Variants in EMG1 observed in about 807,000 individuals in gnomAD.
EMG1 encodes EMG1 N1-specific pseudouridine methyltransferase.
In EMG1, 24 loss-of-function variants were observed where a neutral mutation model predicts 26.9. That is an observed-to-expected ratio of 0.89 (90% CI 0.65 to 1.26). EMG1 has a LOEUF of 1.26. Among genes scored for constraint, EMG1 ranks in the 50% most tolerant of loss-of-function variants. The pLI is 0.00. For synonymous variants in EMG1, 140 were observed against 112.6 expected (o/e 1.24, Z -1.54); for missense variants, 299 against 307.6 (o/e 0.97, Z 0.21).
chr12:6,976,061 A>G lies in EMG1; in HGVS notation c.*252A>G. On this transcript the variant is annotated 3_prime_UTR_variant, in exon 6 of 6. Coordinates refer to ENST00000599672, the MANE Select transcript of EMG1 (RefSeq NM_006331.8). ...ACTTCAGGGACAGATAGGAGGTTAC[A>G]GAGTTTGCAGTTTGGTTCCATGCTT... 1 of 384,126 alleles carries G rather than the reference A, an allele frequency of 2.6e-6. No homozygotes were observed. Among genetic ancestry groups the G allele is most frequent in the Non-Finnish European group, 4.7e-6 (1 of 211,444 alleles). 23.8% of individuals were successfully genotyped at this position (384,126 alleles called of 1,614,324 possible).
Position 6,977,731 on chromosome 12 carries a change from C to G in EMG1, c.*1922C>G. ...TTCTTTATTTCCAAGGAACTTGAGT[C>G]GTTTGAAGATGTAGCTGGAGAAAAG... On this transcript the variant is annotated 3_prime_UTR_variant, in exon 6 of 6. Coordinates refer to ENST00000599672, the MANE Select transcript of EMG1 (RefSeq NM_006331.8). The surrounding 1 kb of genome is among the most constrained non-coding windows in gnomAD (Gnocchi z 4.5). 1 of 1,613,990 alleles carries G rather than the reference C, an allele frequency of 6.2e-7. No individual in the cohort carries two copies. The highest frequency in any genetic ancestry group is 8.5e-7 in the Non-Finnish European group (1 of 1,180,020).
downstream of EMG1, chr12:6,983,363 A>C (rs1555154388): frequency 9.7e-7 from 1 of 1,030,862 alleles, no homozygotes; most frequent in Non-Finnish European, 1.5e-6. Context: ...TCTCAAGGAA[A>C]TTTTGTTCAA....
downstream of EMG1, chr12:6,981,738 G>GGT: frequency 7.5e-7 from 1 of 1,337,714 alleles, no homozygotes; most frequent in Non-Finnish European, 1.1e-6. Flanking sequence ...CGGAGGGGGG[G>GGT]TGCCGAGGAA....
chr12:6,975,663 CAG>C, intron 5 of EMG1, 31 bp from the exon 6 acceptor site: 1 of 1,411,774 alleles, frequency 7.1e-7, no homozygotes, highest in Non-Finnish European at 1.0e-6. Context: ...TACTGAGTGA[CAG>C]AGTTGGCTGA....
rs1946428016 is a variant in EMG1 at position 6,977,992 on chromosome 12, A to C, written c.*2183A>C. 1.8e-6 allele frequency: 1 copy of C among 569,612 alleles called. No homozygotes were observed. The highest frequency in any genetic ancestry group is 1.9e-5 in the African/African-American group (1 of 53,278). The allele number at this position is 569,612 out of a possible 1,614,324, so 35.3% of individuals were successfully genotyped here. On this transcript the variant is annotated 3_prime_UTR_variant, in exon 6 of 6. Transcript: ENST00000599672. This position sits in a 1 kb window ranked among gnomAD's most constrained non-coding sequence, Gnocchi z 4.5. Reference sequence around the variant, plus strand: ...GCAGCAGTGACTGAGGCTGATGCTGAGATCAGTGGTGAACCAGACACTCTA... The same window carrying C: ...GCAGCAGTGACTGAGGCTGATGCTGCGATCAGTGGTGAACCAGACACTCTA...
intron 1 of EMG1, 30 bp downstream of exon 1, chr12:6,971,121 TA>T: frequency 6.3e-7 from 1 of 1,588,474 alleles, no homozygotes; most frequent in Non-Finnish European, 8.6e-7. Flanking sequence ...GGAGAAGTAG[TA>T]AATCGATAGG....
chr12:6,990,230 C>T (rs147621854), downstream of EMG1, among the ~76,000 whole-genome samples: 3,383 of 150,244 alleles, frequency 0.023, 114 homozygotes, highest in African/African-American at 0.073. Context: ...AAAATATAAG[C>T]GGGGCACGGT....
At chr12:6,989,313 GTT>G (rs113013257), downstream of EMG1, among the ~76,000 whole-genome samples, 307 of 126,386 alleles carry the variant, frequency 2.4e-3, no homozygotes, top group South Asian at 0.033. Context: ...CAAAATGCGT[GTT>G]TTTTTTTTTT....
intron 2 of EMG1, 25 bp downstream of exon 2, chr12:6,974,465 AC>A (rs782677923): frequency 8.7e-6 from 14 of 1,607,984 alleles, no homozygotes; most frequent in Admixed American, 1.7e-5. Flanking sequence ...AGTGCTCACA[AC>A]CCTTTGAGCC....
At chr12:6,989,594 G>T (rs1438039462), downstream of EMG1, among the ~76,000 whole-genome samples, 1 of 152,006 alleles carries the variant, frequency 6.6e-6, no homozygotes, top group Admixed American at 6.6e-5. Context: ...CACCGTGCCC[G>T]GCCAATGCTG....
chr12:6,992,922 T>C (rs924325323), downstream of EMG1, among the ~76,000 whole-genome samples: 5 of 152,226 alleles, frequency 3.3e-5, no homozygotes, highest in African/African-American at 1.2e-4. Context: ...TTACTCATAA[T>C]ACCTAATATA....
In EMG1 at chr12:6,979,677, G is replaced by T; in HGVS notation, c.*3868G>T. ...ATGGAGAGGAGTGTTTAGGGGTGTG[G>T]TTGTCTACCTGGAATGGGATGAGAA... is the stretch of plus-strand genomic sequence containing the variant. On this transcript the variant is annotated 3_prime_UTR_variant, in exon 6 of 6. Coordinates refer to ENST00000599672, the MANE Select transcript of EMG1 (RefSeq NM_006331.8). 1.2e-6 allele frequency: 1 copy of T among 804,628 alleles called. No individual in the cohort carries two copies. Among genetic ancestry groups the T allele is most frequent in the Non-Finnish European group, 2.1e-6 (1 of 473,964 alleles). The allele number at this position is 804,628 out of a possible 1,614,324, so 49.8% of individuals were successfully genotyped here. A position where few individuals can be genotyped will look rare whatever the true frequency, so the allele number is the denominator to read the frequency against.
chr12:6,977,637 G>A lies in EMG1; in HGVS notation c.*1828G>A, dbSNP rs781965255. On this transcript the variant is annotated 3_prime_UTR_variant, in exon 6 of 6. Coordinates refer to ENST00000599672, the MANE Select transcript of EMG1 (RefSeq NM_006331.8). This position sits in a 1 kb window ranked among gnomAD's most constrained non-coding sequence, Gnocchi z 4.5. The stretch of plus-strand genomic sequence containing the variant: ...TAACAATGAGGAATTCCATCTGGAA[G>A]CAGACCAGGTATCCTGAGTGCAGGC... 1 of 1,614,254 alleles carries A rather than the reference G, an allele frequency of 6.2e-7. No homozygotes were observed. The highest frequency in any genetic ancestry group is 2.2e-5 in the East Asian group (1 of 44,896).
chr12:6,975,223 C>T lies in EMG1; in HGVS notation c.472-6C>T, dbSNP rs771790052. 11 of 1,613,906 alleles carry T rather than the reference C, an allele frequency of 6.8e-6. No homozygotes were observed. Among genetic ancestry groups the T allele is most frequent in the Non-Finnish European group, 9.3e-6 (11 of 1,179,848 alleles). ...GGGGCTGACTTTTCTCTCTTTTTTA[C>T]TTTAGGTAATTAAGAATCCAGTATC... On this transcript the variant is annotated splice_polypyrimidine_tract_variant and splice_region_variant and intron_variant, in intron 4 of 5. Coordinates refer to ENST00000599672, the MANE Select transcript of EMG1 (RefSeq NM_006331.8).
At chr12:6,989,836 G>A (rs1190399499), downstream of EMG1, among the ~76,000 whole-genome samples, 4 of 152,102 alleles carry the variant, frequency 2.6e-5, no homozygotes, top group Non-Finnish European at 4.4e-5. Flanking sequence ...CTAAAGTTGT[G>A]AGGTTTCATC....
In EMG1 at chr12:6,977,050, G is replaced by A. The variant is rs112876777; in HGVS notation, c.*1241G>A. The A allele has an allele frequency of 6.8e-6, 6 of 876,054 alleles. No individual in the cohort carries two copies. The Admixed American group carries it at 1.1e-4, about 16-fold the overall frequency. The allele number at this position is 876,054 out of a possible 1,614,324, so 54.3% of individuals were successfully genotyped here. A position where few individuals can be genotyped will look rare whatever the true frequency, so the allele number is the denominator to read the frequency against. On this transcript the variant is annotated 3_prime_UTR_variant, in exon 6 of 6. Transcript: ENST00000599672. This position sits in a 1 kb window ranked among gnomAD's most constrained non-coding sequence, Gnocchi z 4.5. ...AGGCTAATCCTTGGAATTCACCCCA[G>A]ATTTCTAATACTATTGTTTTTTTCC...
chr12:6,974,327 CCT>C lies in EMG1; in HGVS notation c.169-11_169-10del, dbSNP rs1946366884. The C allele has an allele frequency of 6.3e-7, 1 of 1,591,304 alleles. No homozygotes were observed. The highest frequency in any genetic ancestry group is 8.6e-7 in the Non-Finnish European group (1 of 1,161,540). On this transcript the variant is annotated splice_polypyrimidine_tract_variant and intron_variant, in intron 1 of 5. Transcript: ENST00000599672. ...CTTATGCTGTTCTCTCGTCATGTTC[CCT>C]GTTCTTCAGGTAGGGAAGACATATG... is the stretch of plus-strand genomic sequence containing the variant.
downstream of EMG1, among the ~76,000 whole-genome samples, chr12:6,980,489 T>A (rs1946458632): frequency 6.6e-6 from 1 of 152,206 alleles, no homozygotes; most frequent in South Asian, 2.1e-4. Context: ...CTATGTAGCT[T>A]GGACTACAGA....
chr12:6,989,541 G>A (rs782784872), downstream of EMG1, among the ~76,000 whole-genome samples: 2 of 152,076 alleles, frequency 1.3e-5, no homozygotes, highest in African/African-American at 2.4e-5. Flanking sequence ...CTCGTGATCC[G>A]CCCGCCTCGG....
Sources: allele counts gnomAD v4.1 joint callset (sites outside exome capture counted in the v4.1 genomes callset), GRCh38; gene constraint gnomAD v4.1.1; non-coding constraint Gnocchi (gnomAD v3.1); transcripts MANE v1.5; gene names NCBI Gene and HGNC (gene_info 2026-07-23, HGNC 2026-07-21).